ARL15: variants seen among roughly 807,000 people sequenced by gnomAD.
The protein encoded by ARL15 is ADP-ribosylation factor-like protein 15.
ARL15 carries 19 observed loss-of-function variants against 25.2 expected under a neutral mutation model. That is an observed-to-expected ratio of 0.75 (90% confidence interval 0.53 to 1.10). ARL15 has a LOEUF of 1.10. Among genes scored for constraint, ARL15 ranks in the 50% least tolerant of loss-of-function variants. The pLI, the probability that ARL15 is intolerant of heterozygous loss-of-function variation, is 0.00. For missense variants in ARL15, 220 were observed against 246.0 expected, an observed-to-expected ratio of 0.89 and a Z score of 0.71; for synonymous variants, 94 against 86.8, an observed-to-expected ratio of 1.08 and a Z score of -0.46.
At chr5:53,944,112 A>G (rs1467093282) in intron 4 of ARL15, among the ~76,000 whole-genome samples, 1 of 152,180 alleles carries the variant, frequency 6.6e-6, no homozygotes, top group Non-Finnish European at 1.5e-5. Context: ...TTAGAACTAC[A>G]TGGTAAACAC....
At position 54,086,094 on chromosome 5, in the gene ARL15, A is replaced by G. The variant is rs184979906; in HGVS notation, c.462+27108T>C. ...CACGCCTGGCTAATTTTGTATTTTT[A>G]GTAGAGACGGGGTTTCTCCATGTTG... On this transcript the variant is annotated intron_variant, in intron 4 of 4. Transcript: ENST00000504924. Among the ~76,000 whole-genome samples, 6 of 151,254 alleles carry G rather than the reference A, an allele frequency of 4.0e-5. No individual in the cohort carries two copies. The East Asian group carries it at 5.8e-4, about 15-fold the overall frequency.
At chr5:53,985,107 G>T (rs530034351) in intron 4 of ARL15, among the ~76,000 whole-genome samples, 39 of 152,146 alleles carry the variant, frequency 2.6e-4, no homozygotes, top group Admixed American at 8.5e-4. Context: ...TACATAGAGG[G>T]TGAGTACATG....
intron 4 of ARL15, among the ~76,000 whole-genome samples, chr5:53,940,658 C>A (rs539171272): frequency 3.3e-5 from 5 of 152,162 alleles, no homozygotes; most frequent in African/African-American, 1.2e-4. Flanking sequence ...AAACAGAGAA[C>A]AATTATGGAT....
At chr5:54,251,108 G>A (rs555135110) in intron 1 of ARL15, among the ~76,000 whole-genome samples, 18 of 150,234 alleles carry the variant, frequency 1.2e-4, no homozygotes, top group Non-Finnish European at 1.2e-4. Context: ...TTTGCACAGA[G>A]GCTTAGAAAG....
chr5:53,955,869 C>A (rs1034853878), intron 4 of ARL15, among the ~76,000 whole-genome samples: 1 of 152,148 alleles, frequency 6.6e-6, no homozygotes, highest in Admixed American at 6.5e-5. Context: ...ACCTGAAGAA[C>A]TTTGTTTCAC....
chr5:54,201,719 A>C (rs1421208018), intron 1 of ARL15, among the ~76,000 whole-genome samples: 1 of 152,162 alleles, frequency 6.6e-6, no homozygotes, highest in Admixed American at 6.6e-5. Flanking sequence ...CTTGCACTGC[A>C]AGAACCCAAT....
chr5:54,209,817 T>C (rs1367896663), intron 1 of ARL15, among the ~76,000 whole-genome samples: 1 of 152,210 alleles, frequency 6.6e-6, no homozygotes, highest in Non-Finnish European at 1.5e-5. Context: ...TGTTTGAAAC[T>C]GACAGCCTTT....
chr5:54,226,471 A>T (rs1008815110), intron 1 of ARL15, among the ~76,000 whole-genome samples: 2 of 152,228 alleles, frequency 1.3e-5, no homozygotes, highest in Non-Finnish European at 2.9e-5. Context: ...GCCTCCAGCC[A>T]TTCATGACAC....
chr5:53,983,968 T>G (rs1173403183), intron 4 of ARL15, among the ~76,000 whole-genome samples: 1 of 152,178 alleles, frequency 6.6e-6, no homozygotes, highest in Non-Finnish European at 1.5e-5. Context: ...GCTCTCTTTA[T>G]CCTCACTGCA....
chr5:54,279,842 T>C (rs1353586752), intron 1 of ARL15, among the ~76,000 whole-genome samples: 1 of 152,182 alleles, frequency 6.6e-6, no homozygotes, highest in Non-Finnish European at 1.5e-5. Flanking sequence ...GGAAATACCT[T>C]ATTGTGCTGG....
At chr5:54,141,585 C>A (rs77066740) in intron 3 of ARL15, among the ~76,000 whole-genome samples, 4,380 of 152,146 alleles carry the variant, frequency 0.029, 207 homozygotes, top group African/African-American at 0.1. Context: ...TTAACATGTA[C>A]AATTTGACAA....
At chr5:53,965,370 A>G (rs1408742235) in intron 4 of ARL15, among the ~76,000 whole-genome samples, 1 of 152,238 alleles carries the variant, frequency 6.6e-6, no homozygotes, top group Non-Finnish European at 1.5e-5. Context: ...AGACTATTTT[A>G]GTAAAAGATT....
chr5:54,110,658 A>G (rs1031615225), intron 4 of ARL15, among the ~76,000 whole-genome samples: 4 of 152,046 alleles, frequency 2.6e-5, no homozygotes, highest in Admixed American at 2.6e-4. Context: ...AATGCTTATC[A>G]GCAATAGGGC....
In ARL15 at chr5:53,934,693, G is replaced by C. The variant is rs1746301466; in HGVS notation, c.463-47980C>G. 2.0e-5 allele frequency among the ~76,000 whole-genome samples: 3 copies of C among 152,084 alleles called. No individual in the cohort carries two copies. The South Asian group carries it at 6.2e-4, about 32-fold the overall frequency. On this transcript the variant is annotated intron_variant, in intron 4 of 4. Transcript: ENST00000504924. ...AAGCATCATTCTCTCTAAAGTTTTT[G>C]GACTCCTGCCCAAATCACAGTCATA...
At chr5:54,170,655 G>A (rs185104465) in intron 2 of ARL15, among the ~76,000 whole-genome samples, 5 of 152,082 alleles carry the variant, frequency 3.3e-5, no homozygotes, top group Admixed American at 1.3e-4. Context: ...CTTATTTCTT[G>A]TACCAGACCT....
At chr5:54,209,129 A>G (rs1184172176) in intron 1 of ARL15, among the ~76,000 whole-genome samples, 1 of 152,226 alleles carries the variant, frequency 6.6e-6, no homozygotes, top group Non-Finnish European at 1.5e-5. Context: ...ACATGGATTT[A>G]CCCAAAATGA....
intron 3 of ARL15, among the ~76,000 whole-genome samples, chr5:54,136,791 C>T (rs1753617735): frequency 6.6e-6 from 1 of 151,936 alleles, no homozygotes; most frequent in African/African-American, 2.4e-5. Flanking sequence ...TATATCTATC[C>T]CAGCATACAA....
intron 4 of ARL15, among the ~76,000 whole-genome samples, chr5:53,940,841 A>C (rs1238933173): frequency 2.0e-5 from 3 of 152,344 alleles, no homozygotes; most frequent in African/African-American, 4.8e-5. Context: ...TGATCACATC[A>C]TGCAGCTGAC....
intron 4 of ARL15, chr5:53,887,469 T>C (rs1744569291): frequency 5.9e-6 from 4 of 679,606 alleles, no homozygotes; most frequent in Non-Finnish European, 1.1e-5. Context: ...ACTCTTACTA[T>C]ATTGGCCAGC....
Sources: allele counts gnomAD v4.1 joint callset (sites outside exome capture counted in the v4.1 genomes callset), GRCh38; gene constraint gnomAD v4.1.1; transcripts MANE v1.5; gene names NCBI Gene and HGNC (gene_info 2026-07-23, HGNC 2026-07-21).